The following LOC128092252 variants were observed in gnomAD, a reference collection of about 807,000 sequenced individuals.
At chr15:50,650,401 T>C in the LOC128092252 span, among the ~76,000 whole-genome samples, 1 of 151,368 alleles carries the variant, frequency 6.6e-6, no homozygotes. Flanking sequence ...AGGACTAAAT[T>C]AGACCTAGAC....
chr15:50,658,755 A>G, the LOC128092252 span, among the ~76,000 whole-genome samples: 1 of 152,244 alleles, frequency 6.6e-6, no homozygotes, highest in Non-Finnish European at 1.5e-5. Context: ...CATCTGTAGT[A>G]TACGTATAAA....
the LOC128092252 span, among the ~76,000 whole-genome samples, chr15:50,665,589 A>C: frequency 3.3e-5 from 5 of 152,234 alleles, no homozygotes; most frequent in Non-Finnish European, 7.3e-5. Flanking sequence ...TAAAAATTTT[A>C]AATTCTTAGA....
At chr15:50,683,501 G>A in the LOC128092252 span, among the ~76,000 whole-genome samples, 5 of 151,828 alleles carry the variant, frequency 3.3e-5, no homozygotes, top group African/African-American at 4.8e-5. Flanking sequence ...TTGGGAGGCC[G>A]AGGCGGGTGG....
chr15:50,651,525 G>A, the LOC128092252 span, among the ~76,000 whole-genome samples: 4 of 152,238 alleles, frequency 2.6e-5, no homozygotes, highest in African/African-American at 7.2e-5. Flanking sequence ...TGTTGGGCAC[G>A]GTGGCTCATG....
At chr15:50,672,648 G>A in the LOC128092252 span, among the ~76,000 whole-genome samples, 3 of 151,524 alleles carry the variant, frequency 2.0e-5, no homozygotes, top group Admixed American at 1.3e-4. Flanking sequence ...GGTGGCTCAC[G>A]CCTGTAACCC....
the LOC128092252 span, among the ~76,000 whole-genome samples, chr15:50,650,457 A>G: frequency 6.6e-6 from 1 of 151,868 alleles, no homozygotes; most frequent in Non-Finnish European, 1.5e-5. Context: ...CACCTTGGGA[A>G]GCCAAGGTGG....
the LOC128092252 span, among the ~76,000 whole-genome samples, chr15:50,651,365 G>A: frequency 6.6e-6 from 1 of 152,192 alleles, no homozygotes; most frequent in Non-Finnish European, 1.5e-5. Flanking sequence ...CATGCTTGAC[G>A]CCGGGTGTGG....
chr15:50,668,515 T>C, the LOC128092252 span, among the ~76,000 whole-genome samples: 10 of 152,174 alleles, frequency 6.6e-5, no homozygotes, highest in African/African-American at 2.4e-4. Context: ...TTTTTGTTTT[T>C]TGTTTTTTGA....
chr15:50,652,328 CAAAAAAAAAAAAAAAA>C, the LOC128092252 span, among the ~76,000 whole-genome samples: 12 of 34,232 alleles, frequency 3.5e-4, no homozygotes, highest in South Asian at 1.6e-3. Context: ...GACTCCATCT[CAAAAAAAAAAAAAAAA>C]AAAAAAAAAA....
the LOC128092252 span, among the ~76,000 whole-genome samples, chr15:50,663,954 G>C: frequency 6.6e-6 from 1 of 150,590 alleles, no homozygotes; most frequent in African/African-American, 2.4e-5. Flanking sequence ...AAGAGTGAGA[G>C]ACTCTGTCTC....
the LOC128092252 span, among the ~76,000 whole-genome samples, chr15:50,685,386 G>GGCGGATGTT: frequency 2.6e-5 from 4 of 152,240 alleles, no homozygotes; most frequent in African/African-American, 4.8e-5. Flanking sequence ...GAATCCCGGA[G>GGCGGATGTT]GCGGATGTTG....
the LOC128092252 span, among the ~76,000 whole-genome samples, chr15:50,676,317 A>G: frequency 6.6e-6 from 1 of 152,146 alleles, no homozygotes; most frequent in Admixed American, 6.5e-5. Context: ...TTTTTTAACA[A>G]ATACATTCTA....
chr15:50,678,239 C>CAAAA, the LOC128092252 span, among the ~76,000 whole-genome samples: 6 of 92,088 alleles, frequency 6.5e-5, no homozygotes, highest in African/African-American at 1.8e-4. Flanking sequence ...GACTCTCTCT[C>CAAAA]AAAAAAAAAA....
At chr15:50,671,978 CTA>C in the LOC128092252 span, among the ~76,000 whole-genome samples, 1 of 113,028 alleles carries the variant, frequency 8.8e-6, no homozygotes, top group Non-Finnish European at 2.0e-5. Context: ...TAATAAATGA[CTA>C]TGTTACTGAT....
the LOC128092252 span, chr15:50,686,590 G>A: frequency 1.2e-6 from 2 of 1,602,446 alleles, no homozygotes; most frequent in Non-Finnish European, 1.7e-6. Flanking sequence ...CTCCTCCGCG[G>A]CCTGTAGCCA....
chr15:50,686,500 T>A, the LOC128092252 span: 1 of 1,613,318 alleles, frequency 6.2e-7, no homozygotes, highest in Non-Finnish European at 8.5e-7. Context: ...CCCAGAACCA[T>A]TCCCCGCCCG....
chr15:50,667,960 A>C, the LOC128092252 span, among the ~76,000 whole-genome samples: 1 of 152,206 alleles, frequency 6.6e-6, no homozygotes, highest in Admixed American at 6.5e-5. Context: ...TATAATTCTG[A>C]TATGATTCAA....
At chr15:50,672,126 C>T in the LOC128092252 span, among the ~76,000 whole-genome samples, 1 of 152,106 alleles carries the variant, frequency 6.6e-6, no homozygotes, top group Non-Finnish European at 1.5e-5. Flanking sequence ...ATGATCTTGG[C>T]TCACTGCAAG....
At chr15:50,666,788 GC>G in the LOC128092252 span, among the ~76,000 whole-genome samples, 1 of 151,942 alleles carries the variant, frequency 6.6e-6, no homozygotes, top group African/African-American at 2.4e-5. Flanking sequence ...GGCAACAAGA[GC>G]AAAAACTGTC....
Sources: allele counts gnomAD v4.1 joint callset (sites outside exome capture counted in the v4.1 genomes callset), GRCh38; gene constraint gnomAD v4.1.1; transcripts MANE v1.5.